Variants in KCNC2 observed in about 807,000 individuals in gnomAD.
KCNC2 encodes the protein potassium voltage-gated channel subfamily C member 2.
A neutral mutation model predicts 44.5 loss-of-function variants in KCNC2; 21 were observed. The observed-to-expected ratio is 0.47, with a 90% CI of 0.33 to 0.68. The LOEUF (loss-of-function observed/expected upper bound fraction) is 0.68. Ranked by LOEUF, KCNC2 falls within the 30% of genes least tolerant of loss-of-function variation. KCNC2 has a pLI of 0.01. For synonymous variants in KCNC2, 391 were observed against 339.1 expected (o/e 1.15, Z -1.68); for missense variants, 589 against 826.2 (o/e 0.71, Z 3.52).
chr12:75,044,697 T>A (rs1880285748), intron 4 of KCNC2: 1 of 151,930 alleles, frequency 6.6e-6, no homozygotes. Context: ...ACGATGAACA[T>A]TCCCCTCCCC....
chr12:75,137,117 A>C (rs890847558), intron 2 of KCNC2, among the ~76,000 whole-genome samples: 1 of 152,164 alleles, frequency 6.6e-6, no homozygotes, highest in South Asian at 2.1e-4. Flanking sequence ...AGACACTTTT[A>C]GGGCTTCTCT....
At chr12:75,172,868 G>T (rs1420376284) in intron 2 of KCNC2, among the ~76,000 whole-genome samples, 1 of 151,792 alleles carries the variant, frequency 6.6e-6, no homozygotes, top group African/African-American at 2.4e-5. Flanking sequence ...CAAAGCACCA[G>T]TTCAGGGCTG....
At chr12:75,199,047 G>C (rs774765942) in intron 2 of KCNC2, among the ~76,000 whole-genome samples, 6 of 151,546 alleles carry the variant, frequency 4.0e-5, no homozygotes, top group Non-Finnish European at 8.9e-5. Flanking sequence ...ATAAAATATT[G>C]GTGTAAAATA....
chr12:75,060,239 T>C (rs1486156470), intron 2 of KCNC2, among the ~76,000 whole-genome samples: 1 of 152,124 alleles, frequency 6.6e-6, no homozygotes, highest in Non-Finnish European at 1.5e-5. Context: ...ATCCATTGAA[T>C]CGCTGAATCC....
At chr12:75,081,377 T>C (rs1330011858) in intron 2 of KCNC2, among the ~76,000 whole-genome samples, 1 of 151,680 alleles carries the variant, frequency 6.6e-6, no homozygotes, top group East Asian at 1.9e-4. Context: ...CCATTCTTTT[T>C]TTTTTCTGAA....
chr12:75,147,367 A>G (rs1444067909), intron 2 of KCNC2, among the ~76,000 whole-genome samples: 1 of 152,150 alleles, frequency 6.6e-6, no homozygotes, highest in Admixed American at 6.6e-5. Context: ...TATTAACCAG[A>G]CAACGTTTTC....
intron 2 of KCNC2, among the ~76,000 whole-genome samples, chr12:75,164,625 G>A (rs1891327328): frequency 6.6e-6 from 1 of 151,636 alleles, no homozygotes. Flanking sequence ...CAAACACATT[G>A]AGCATCTTCA....
intron 2 of KCNC2, among the ~76,000 whole-genome samples, chr12:75,104,313 A>T (rs1457306339): frequency 6.6e-6 from 1 of 152,200 alleles, no homozygotes; most frequent in East Asian, 1.9e-4. Flanking sequence ...AGAATGGAGC[A>T]GGATGGAGCA....
chr12:75,201,733 G>A (rs888561367), intron 2 of KCNC2, among the ~76,000 whole-genome samples: 10 of 151,670 alleles, frequency 6.6e-5, no homozygotes, highest in Admixed American at 3.9e-4. Flanking sequence ...CAACCTGCAC[G>A]GAAGGCAAAA....
chr12:75,170,566 A>T (rs1249356402), intron 2 of KCNC2, among the ~76,000 whole-genome samples: 1 of 151,920 alleles, frequency 6.6e-6, no homozygotes, highest in South Asian at 2.1e-4. Flanking sequence ...ACCCAAAAAA[A>T]GTTCTTTAAT....
chr12:75,057,511 C>T (rs1309553197), intron 2 of KCNC2, among the ~76,000 whole-genome samples: 7 of 151,904 alleles, frequency 4.6e-5, no homozygotes, highest in Admixed American at 3.9e-4. Flanking sequence ...GATCCACAAA[C>T]ATTACCACAT....
chr12:75,150,467 T>C (rs1179028946), intron 2 of KCNC2, among the ~76,000 whole-genome samples: 1 of 151,874 alleles, frequency 6.6e-6, no homozygotes, highest in African/African-American at 2.4e-5. Flanking sequence ...CTCTTCTTTT[T>C]CTTTCTTTAA....
In KCNC2 at chr12:75,204,259, C is replaced by A. The variant is rs141273364; in HGVS notation, c.687+3038G>T. Among the ~76,000 whole-genome samples, 26 of 152,026 alleles carry A rather than the reference C, an allele frequency of 1.7e-4. 1 individual carries two copies. In the Middle Eastern group the frequency reaches 0.01, roughly 60 times the overall value. ...TACAACAATATAGACCCCTCATATA[C>A]GTATTTACTTCATAAATTAAAAATC... On this transcript the variant is annotated intron_variant, in intron 2 of 4. Coordinates refer to ENST00000549446, the MANE Select transcript of KCNC2 (RefSeq NM_139137.4).
Position 75,041,274 on chromosome 12 carries a change from A to C in KCNC2, c.*1831T>G. ...TTACCATAAATTTGTGTGTAATTAT[A>C]ATGTTCTATGTGTGGTGTTATCAAA... is the stretch of plus-strand genomic sequence containing the variant. On this transcript the variant is annotated 3_prime_UTR_variant, in exon 5 of 5. Coordinates refer to ENST00000549446, the MANE Select transcript of KCNC2 (RefSeq NM_139137.4). The C allele has an allele frequency of 6.4e-7, 1 of 1,563,912 alleles. No homozygotes were observed. The highest frequency in any genetic ancestry group is 8.6e-7 in the Non-Finnish European group (1 of 1,160,674).
At chr12:75,075,458 C>CATATAT (rs5799200) in intron 2 of KCNC2, among the ~76,000 whole-genome samples, 29 of 145,600 alleles carry the variant, frequency 2.0e-4, no homozygotes, top group African/African-American at 4.2e-4. Flanking sequence ...TATATATATA[C>CATATAT]ATATATATAT....
chr12:75,133,296 C>T (rs1470060011), intron 2 of KCNC2, among the ~76,000 whole-genome samples: 2 of 151,360 alleles, frequency 1.3e-5, no homozygotes, highest in Non-Finnish European at 3.0e-5. Context: ...ATATCCTCAA[C>T]AAAAAAGATG....
At chr12:75,068,219 T>A (rs1160315202) in intron 2 of KCNC2, among the ~76,000 whole-genome samples, 1 of 152,212 alleles carries the variant, frequency 6.6e-6, no homozygotes, top group Non-Finnish European at 1.5e-5. Context: ...CCATAATAAC[T>A]ACTGAGTAAA....
At chr12:75,158,855 G>T (rs1890931957) in intron 2 of KCNC2, among the ~76,000 whole-genome samples, 1 of 151,854 alleles carries the variant, frequency 6.6e-6, no homozygotes, top group Non-Finnish European at 1.5e-5. Context: ...AAGTTATAGA[G>T]TCAATACTGA....
chr12:75,209,684 T>TC lies in KCNC2; in HGVS notation c.-498dup, dbSNP rs1182586386. Reference sequence around the variant, plus strand: ...CCCAAATCAGCCACTGCTGGAGCTGTCCCTTCAGCACCACTCGCCATCAAC... The same window carrying TC: ...CCCAAATCAGCCACTGCTGGAGCTGTCCCCTTCAGCACCACTCGCCATCAAC... On this transcript the variant is annotated 5_prime_UTR_variant, in exon 1 of 5. The change creates a premature stop within an existing upstream ORF in the 5' untranslated region. Coordinates refer to ENST00000549446, the MANE Select transcript of KCNC2 (RefSeq NM_139137.4). The TC allele has an allele frequency of 6.6e-6, 1 of 152,562 alleles. No homozygotes were observed. The highest frequency in any genetic ancestry group is 1.5e-5 in the Non-Finnish European group (1 of 68,468). The allele number at this position is 152,562 out of a possible 1,614,324, so 9.5% of individuals were successfully genotyped here.
Sources: gnomAD v4.1 joint callset for allele counts (sites outside exome capture counted in the v4.1 genomes callset) on GRCh38, gnomAD v4.1.1 for gene constraint, MANE v1.5 for transcripts, NCBI Gene and HGNC (gene_info 2026-07-23, HGNC 2026-07-21) for gene names.